The following UGT1A6 variants were observed in gnomAD, a reference collection of about 807,000 sequenced individuals.
UGT1A6 encodes the protein UDP-glucuronosyltransferase 1A6.
UGT1A6 carries 32 observed loss-of-function variants against 44.4 expected under a neutral mutation model. That is an observed-to-expected ratio of 0.72 (90% CI 0.54 to 0.97). The LOEUF is 0.97. Ranked by LOEUF, UGT1A6 falls within the 50% of genes least tolerant of loss-of-function variation. The pLI is 0.00. For synonymous variants in UGT1A6, 238 were observed against 248.5 expected, an observed-to-expected ratio of 0.96 and a Z score of 0.40; for missense variants, 685 against 661.9, an observed-to-expected ratio of 1.03 and a Z score of -0.38.
chr2:233,700,361 G>A (rs764696456), intron 1 of UGT1A6, among the ~76,000 whole-genome samples: 35 of 152,274 alleles, frequency 2.3e-4, no homozygotes, highest in Middle Eastern at 3.4e-3. Flanking sequence ...CTTTATGGCT[G>A]ATTATCTGGG....
intron 1 of UGT1A6, among the ~76,000 whole-genome samples, chr2:233,739,476 A>T (rs913646200): frequency 6.6e-6 from 1 of 152,224 alleles, no homozygotes; most frequent in African/African-American, 2.4e-5. Flanking sequence ...AGACCGTGGG[A>T]GCCCATTTCT....
At chr2:233,767,711 C>G (rs990338657) in intron 2 of UGT1A6, 138 bp from the exon 3 acceptor site, 47 of 1,530,966 alleles carry the variant, frequency 3.1e-5, no homozygotes, top group Non-Finnish European at 4.1e-5. Flanking sequence ...TCCTCAGAAG[C>G]CTTCACAGTT....
At chr2:233,707,260 G>A (rs1461655680) in intron 1 of UGT1A6, among the ~76,000 whole-genome samples, 2 of 151,950 alleles carry the variant, frequency 1.3e-5, no homozygotes, top group Non-Finnish European at 1.5e-5. Flanking sequence ...TTCTTCATCA[G>A]CATTTATTTT....
chr2:233,744,894 A>G (rs1692956902), intron 1 of UGT1A6, among the ~76,000 whole-genome samples: 1 of 151,908 alleles, frequency 6.6e-6, no homozygotes, highest in Non-Finnish European at 1.5e-5. Flanking sequence ...CCTCCTCTCC[A>G]TACCAAAATC....
chr2:233,730,376 G>A (rs1316829383), intron 1 of UGT1A6, among the ~76,000 whole-genome samples: 1 of 152,114 alleles, frequency 6.6e-6, no homozygotes, highest in Non-Finnish European at 1.5e-5. Context: ...GATTTTCAGG[G>A]GAAAGATGAT....
chr2:233,729,728 A>G (rs373493601), intron 1 of UGT1A6: 1 of 1,613,928 alleles, frequency 6.2e-7, no homozygotes, highest in Non-Finnish European at 8.5e-7. Flanking sequence ...CTAACAACCA[A>G]TTCAGACCAC....
intron 1 of UGT1A6, among the ~76,000 whole-genome samples, chr2:233,751,775 T>C (rs1694807699): frequency 1.3e-5 from 2 of 152,228 alleles, no homozygotes; most frequent in Non-Finnish European, 2.9e-5. Context: ...ATGACTTTGC[T>C]TATCTCTCAC....
chr2:233,768,582 C>CTTTT (rs139595073), intron 4 of UGT1A6, 143 bp downstream of exon 4: 40 of 1,033,114 alleles, frequency 3.9e-5, no homozygotes, highest in African/African-American at 2.8e-4. Context: ...TTTATTTCTT[C>CTTTT]TTTTTTTTTT....
chr2:233,744,437 G>A (rs1405958246), intron 1 of UGT1A6, among the ~76,000 whole-genome samples: 1 of 151,860 alleles, frequency 6.6e-6, no homozygotes, highest in Non-Finnish European at 1.5e-5. Context: ...TCTATCATAC[G>A]TACTGCATTA....
intron 1 of UGT1A6, chr2:233,713,516 CAT>C (rs762930324): frequency 6.2e-7 from 1 of 1,613,934 alleles, no homozygotes; most frequent in South Asian, 1.1e-5. Context: ...TCTTGAGGAA[CAT>C]TCCATGTGAT....
At chr2:233,756,312 ATCC>A (rs1696175479) in intron 1 of UGT1A6, 1 of 152,140 alleles carries the variant, frequency 6.6e-6, no homozygotes, top group Admixed American at 6.5e-5. Flanking sequence ...ACCTACCCAT[ATCC>A]TCCTTTAAAC....
chr2:233,700,879 C>T (rs1034154232), intron 1 of UGT1A6, among the ~76,000 whole-genome samples: 7 of 152,198 alleles, frequency 4.6e-5, no homozygotes, highest in South Asian at 2.1e-4. Context: ...CTCCTCCCCC[C>T]ACCCCACAAC....
chr2:233,740,135 G>C (rs1178370483), intron 1 of UGT1A6, among the ~76,000 whole-genome samples: 1 of 151,806 alleles, frequency 6.6e-6, no homozygotes, highest in African/African-American at 2.4e-5. Context: ...TGTCATGATT[G>C]TAAGTTTCCT....
At chr2:233,729,480 C>A in intron 1 of UGT1A6, 2 of 1,614,162 alleles carry the variant, frequency 1.2e-6, no homozygotes. Flanking sequence ...CAATGTTGAA[C>A]AATATGTCTT....
At chr2:233,728,395 C>G (rs989594953) in intron 1 of UGT1A6, among the ~76,000 whole-genome samples, 1 of 152,120 alleles carries the variant, frequency 6.6e-6, no homozygotes, top group Non-Finnish European at 1.5e-5. Flanking sequence ...GTTGTCTTGC[C>G]CATGTGTGCT....
chr2:233,760,960 G>C (rs144721642), intron 1 of UGT1A6: 1 of 1,614,048 alleles, frequency 6.2e-7, no homozygotes, highest in Non-Finnish European at 8.5e-7. Flanking sequence ...TCTGTGCGAC[G>C]TGGTTTATTC....
At chr2:233,732,592 G>T (rs1029582982) in intron 1 of UGT1A6, among the ~76,000 whole-genome samples, 1 of 152,094 alleles carries the variant, frequency 6.6e-6, no homozygotes, top group African/African-American at 2.4e-5. Flanking sequence ...TTTTTGTCAG[G>T]TTTGTCAAAG....
At chr2:233,757,560 A>ATATATATATATG (rs904896556) in intron 1 of UGT1A6, among the ~76,000 whole-genome samples, 14 of 123,154 alleles carry the variant, frequency 1.1e-4, no homozygotes, top group African/African-American at 4.8e-4. Context: ...ATATATATAT[A>ATATATATATATG]TGTATATATG....
At chr2:233,772,225 G>A in intron 4 of UGT1A6, 37 bp from the exon 5 acceptor site, 2 of 1,613,382 alleles carry the variant, frequency 1.2e-6, no homozygotes, top group Non-Finnish European at 1.7e-6. Flanking sequence ...TCATACCACA[G>A]GTGTTCCAGG....
Sources: gnomAD v4.1 joint callset for allele counts (sites outside exome capture counted in the v4.1 genomes callset) on GRCh38, gnomAD v4.1.1 for gene constraint, MANE v1.5 for transcripts, NCBI Gene and HGNC (gene_info 2026-07-23, HGNC 2026-07-21) for gene names.